The following COL13A1 variants were observed in gnomAD, a reference collection of about 807,000 sequenced individuals.
The protein encoded by COL13A1 is collagen alpha-1(XIII) chain.
COL13A1 carries 89 observed loss-of-function variants against 130.9 expected under a neutral mutation model. The ratio of observed to expected loss-of-function variants is 0.68; its 90% CI spans 0.57 to 0.81. The LOEUF is 0.81. Among genes scored for constraint, COL13A1 ranks in the 30% least tolerant of loss-of-function variants. The pLI is 0.00. For missense variants in COL13A1, 879 were observed against 934.6 expected, an observed-to-expected ratio of 0.94 and a Z score of 0.78; for synonymous variants, 402 against 341.6, an observed-to-expected ratio of 1.18 and a Z score of -1.95.
chr10:69,905,085 C>T (rs2062616332), intron 16 of COL13A1, 126 bp downstream of exon 16: 3 of 1,088,914 alleles, frequency 2.8e-6, no homozygotes, highest in East Asian at 5.2e-5. Context: ...ACAGATCAAG[C>T]TTGACCCACT....
At chr10:69,942,972 C>T (rs935344990) in intron 35 of COL13A1, among the ~76,000 whole-genome samples, 5 of 152,186 alleles carry the variant, frequency 3.3e-5, no homozygotes, top group South Asian at 2.1e-4. Context: ...CTCAGCCTCC[C>T]GAGTAGCTGG....
rs187216022 is a variant in COL13A1 at position 69,926,952 on chromosome 10, C to A, written c.1399-135C>A. The stretch of plus-strand genomic sequence containing the variant: ...GGTGTGAGTCTGGGGGCCATGGAGC[C>A]CACCTGCAAGCGTCTCCCTCCACCC... On this transcript the variant is annotated intron_variant, in intron 26 of 40. Transcript: ENST00000645393. 256 of 1,182,222 alleles carry A rather than the reference C, an allele frequency of 2.2e-4. 1 individual carries two copies. In the African/African-American group the frequency reaches 3.1e-3, roughly 15 times the overall value. The allele number at this position is 1,182,222 out of a possible 1,614,324, so 73.2% of individuals were successfully genotyped here. A position where few individuals can be genotyped will look rare whatever the true frequency, so the allele number is the denominator to read the frequency against.
At chr10:69,940,865 T>G in intron 34 of COL13A1, 123 bp from the exon 35 acceptor site, 1 of 1,318,936 alleles carries the variant, frequency 7.6e-7, no homozygotes. Flanking sequence ...TGTGTTTGAT[T>G]ACCAGCATTT....
At chr10:69,838,636 G>C (rs944269183) in intron 2 of COL13A1, among the ~76,000 whole-genome samples, 7 of 152,344 alleles carry the variant, frequency 4.6e-5, no homozygotes, top group African/African-American at 1.7e-4. Flanking sequence ...CTTGGGGACC[G>C]GCCCTTGCCA....
intron 2 of COL13A1, among the ~76,000 whole-genome samples, chr10:69,844,852 A>T (rs1209815042): frequency 6.6e-6 from 1 of 152,196 alleles, no homozygotes; most frequent in African/African-American, 2.4e-5. Context: ...AGCAATGGGG[A>T]AGCAGATGGG....
intron 2 of COL13A1, among the ~76,000 whole-genome samples, chr10:69,833,326 C>G (rs781472929): frequency 6.6e-6 from 1 of 152,236 alleles, no homozygotes; most frequent in African/African-American, 2.4e-5. Flanking sequence ...ACCCCCACCT[C>G]TCCACTCCTC....
At chr10:69,904,989 C>T (rs1425918282) in intron 16 of COL13A1, 30 bp downstream of exon 16, 2 of 1,555,274 alleles carry the variant, frequency 1.3e-6, no homozygotes, top group Non-Finnish European at 1.7e-6. Flanking sequence ...ATGTGTTGAA[C>T]AGGTGGGAGA....
At chr10:69,807,690 A>G (rs137875410) in intron 1 of COL13A1, among the ~76,000 whole-genome samples, 32 of 152,310 alleles carry the variant, frequency 2.1e-4, no homozygotes, top group African/African-American at 7.7e-4. Flanking sequence ...TGCTGACCAC[A>G]GCTGACTGGA....
intron 10 of COL13A1, among the ~76,000 whole-genome samples, chr10:69,894,196 T>C (rs903690512): frequency 6.6e-6 from 1 of 152,174 alleles, no homozygotes; most frequent in Non-Finnish European, 1.5e-5. Context: ...GGAGGTGGAA[T>C]GTGCTAGTGT....
Position 69,925,810 on chromosome 10 carries a change from A to G in COL13A1, c.1336A>G (p.Lys446Glu). 1 of 1,597,568 alleles carries G rather than the reference A, an allele frequency of 6.3e-7. No individual in the cohort carries two copies. The highest frequency in any genetic ancestry group is 8.5e-7 in the Non-Finnish European group (1 of 1,172,106). Reference sequence around the variant, plus strand: ...GATCTCATTTGCCTTCCAGGGCTCCAAGGGAGAACCAGGGAAAGGAGAGAT... The same window carrying G: ...GATCTCATTTGCCTTCCAGGGCTCCGAGGGAGAACCAGGGAAAGGAGAGAT... ...EQGPDGPKGS[K>E]GEPGKGEMVD... The change falls in exon 26 of 41, where the codon AAG becomes GAG. Residue 446 changes from lysine to glutamate, a missense_variant. Lys to Glu is a moderately conservative substitution (Grantham distance 56). Transcript: ENST00000645393.
chr10:69,815,047 G>A (rs956366624), intron 1 of COL13A1, among the ~76,000 whole-genome samples: 3 of 152,164 alleles, frequency 2.0e-5, no homozygotes, highest in South Asian at 2.1e-4. Context: ...TATCTCATTC[G>A]GTCTCCACAT....
At chr10:69,934,817 C>G (rs949778959) in intron 31 of COL13A1, among the ~76,000 whole-genome samples, 3 of 152,226 alleles carry the variant, frequency 2.0e-5, no homozygotes, top group Admixed American at 6.5e-5. Flanking sequence ...TCTCCAGGAA[C>G]AGCTCAGTCT....
intron 16 of COL13A1, 114 bp downstream of exon 16, chr10:69,905,073 A>T: frequency 8.2e-7 from 1 of 1,220,794 alleles, no homozygotes; most frequent in Non-Finnish European, 1.2e-6. Flanking sequence ...CTCAGCTGAG[A>T]GACAGATCAA....
rs182275215 is a variant in COL13A1 at position 69,867,206 on chromosome 10, C to T, written c.365-592C>T. Among the ~76,000 whole-genome samples the T allele has an allele frequency of 4.6e-5, 7 of 152,174 alleles. No individual in the cohort carries two copies. In the East Asian group the frequency reaches 1.4e-3, roughly 29 times the overall value. On this transcript the variant is annotated intron_variant, in intron 2 of 40. Coordinates refer to ENST00000645393, the MANE Select transcript of COL13A1 (RefSeq NM_001368882.1). ...CATGGAGGAGGGTGGGGCCGGAGCC[C>T]GAGAGGGGGCTTTGAGAAAGAGGCT...
intron 28 of COL13A1, 79 bp from the exon 29 acceptor site, chr10:69,929,956 TGGGATGCC>T (rs2065888320): frequency 9.2e-7 from 1 of 1,084,490 alleles, no homozygotes; most frequent in African/African-American, 1.6e-5. Context: ...AAGTGTGGAG[TGGGATGCC>T]GGGTGCACTA....
intron 15 of COL13A1, 80 bp downstream of exon 15, chr10:69,902,935 G>A: frequency 8.7e-7 from 1 of 1,148,058 alleles, no homozygotes; most frequent in Non-Finnish European, 1.2e-6. Flanking sequence ...TAGGCAGTGG[G>A]TCCCCTACAA....
At chr10:69,943,094 C>T (rs1340010912) in intron 35 of COL13A1, among the ~76,000 whole-genome samples, 3 of 152,174 alleles carry the variant, frequency 2.0e-5, no homozygotes, top group African/African-American at 4.8e-5. Context: ...GTGATCCACC[C>T]GCCTCGGCCT....
intron 2 of COL13A1, among the ~76,000 whole-genome samples, chr10:69,830,111 C>T (rs1181186682): frequency 6.6e-6 from 1 of 152,206 alleles, no homozygotes; most frequent in African/African-American, 2.4e-5. Flanking sequence ...AGATTACTCT[C>T]CTCTCTCTGG....
intron 33 of COL13A1, among the ~76,000 whole-genome samples, chr10:69,937,049 A>T (rs773419696): frequency 3.3e-5 from 5 of 152,170 alleles, no homozygotes; most frequent in Admixed American, 6.5e-5. Context: ...TTTCCCATCA[A>T]ACCTGCCCTG....
Sources: allele counts gnomAD v4.1 joint callset (sites outside exome capture counted in the v4.1 genomes callset), GRCh38; gene constraint gnomAD v4.1.1; transcripts MANE v1.5; gene names NCBI Gene and HGNC (gene_info 2026-07-23, HGNC 2026-07-21).